The following MYO5B variants were observed in gnomAD, a reference collection of about 807,000 sequenced individuals.
MYO5B encodes unconventional myosin-Vb.
MYO5B carries 143 observed loss-of-function variants against 229.3 expected under a neutral mutation model. The observed-to-expected ratio is 0.62, with a 90% CI of 0.54 to 0.72. MYO5B has a LOEUF of 0.72. Among genes scored for constraint, MYO5B ranks in the 30% least tolerant of loss-of-function variants. MYO5B has a pLI of 0.00. For synonymous variants in MYO5B, 918 were observed against 885.2 expected (o/e 1.04, Z -0.66); for missense variants, 2,321 against 2,331.0 (o/e 1.00, Z 0.09).
At chr18:50,106,476 C>G (rs16951538) in intron 1 of MYO5B, among the ~76,000 whole-genome samples, 36,092 of 152,146 alleles carry the variant, frequency 0.24, 5,226 homozygotes, top group African/African-American at 0.41. Flanking sequence ...TTTCTGCCTA[C>G]TAAGTTTAAT....
intron 39 of MYO5B, among the ~76,000 whole-genome samples, chr18:49,831,741 A>G (rs768398482): frequency 2.6e-5 from 4 of 152,228 alleles, no homozygotes; most frequent in Non-Finnish European, 4.4e-5. Context: ...ATGACCCAGT[A>G]ATTCTGCCTC....
rs192466112 is a variant in MYO5B, at chr18:50,099,810, G to T, written c.28-44432C>A. On this transcript the variant is annotated intron_variant, in intron 1 of 39. Transcript: ENST00000285039. ...TCCCCCTGTAAAGCCAACTGGCTTC[G>T]TTGATGCCAATGGGCACCTGACATT... 2.0e-5 allele frequency among the ~76,000 whole-genome samples: 3 copies of T among 152,294 alleles called. No homozygotes were observed. The East Asian group carries it at 5.8e-4, about 29-fold the overall frequency.
chr18:49,880,964 A>G (rs2024579565), intron 22 of MYO5B, among the ~76,000 whole-genome samples: 1 of 152,220 alleles, frequency 6.6e-6, no homozygotes, highest in South Asian at 2.1e-4. Context: ...CAGAGAATGC[A>G]GCTGTGCAAG....
intron 1 of MYO5B, among the ~76,000 whole-genome samples, chr18:50,168,597 G>A (rs1013253035): frequency 1.5e-5 from 2 of 130,024 alleles, no homozygotes; most frequent in African/African-American, 2.9e-5. Flanking sequence ...AGACAGAGGG[G>A]AGGGTCTCCA....
chr18:50,064,400 T>C (rs1005315281), intron 1 of MYO5B: 1 of 152,268 alleles, frequency 6.6e-6, no homozygotes, highest in African/African-American at 2.4e-5. Context: ...AAAGGATATG[T>C]CCAGATCCAA....
At chr18:50,028,811 A>AGGT (rs2026359016) in intron 4 of MYO5B, among the ~76,000 whole-genome samples, 1 of 152,224 alleles carries the variant, frequency 6.6e-6, no homozygotes, top group African/African-American at 2.4e-5. Context: ...GTGCTTCTCC[A>AGGT]AGTAAAATAG....
chr18:50,076,688 C>T (rs79978187), intron 1 of MYO5B, among the ~76,000 whole-genome samples: 1,964 of 152,204 alleles, frequency 0.013, 35 homozygotes, highest in African/African-American at 0.045. Context: ...CACGAGCAGG[C>T]GTGACTTCCA....
At chr18:50,119,717 C>G (rs1004134797) in intron 1 of MYO5B, among the ~76,000 whole-genome samples, 1 of 152,110 alleles carries the variant, frequency 6.6e-6, no homozygotes, top group Non-Finnish European at 1.5e-5. Flanking sequence ...TAAATCAGCC[C>G]GAGTTGTTCA....
At chr18:49,980,024 G>T (rs574329754) in intron 9 of MYO5B, among the ~76,000 whole-genome samples, 2 of 152,294 alleles carry the variant, frequency 1.3e-5, no homozygotes, top group African/African-American at 4.8e-5. Context: ...CTTGGCAAGG[G>T]TTGCCACCTG....
intron 14 of MYO5B, among the ~76,000 whole-genome samples, chr18:49,952,867 T>C (rs2025444391): frequency 6.6e-6 from 1 of 151,832 alleles, no homozygotes; most frequent in Non-Finnish European, 1.5e-5. Flanking sequence ...TAAATAATCT[T>C]ACATCTGCAG....
chr18:49,878,131 G>A (rs568454666), intron 24 of MYO5B, among the ~76,000 whole-genome samples: 2 of 151,992 alleles, frequency 1.3e-5, no homozygotes, highest in East Asian at 1.9e-4. Context: ...CAATTTCTCC[G>A]AGAAGTCCTG....
At chr18:50,153,628 T>G (rs988790665) in intron 1 of MYO5B, among the ~76,000 whole-genome samples, 1 of 152,164 alleles carries the variant, frequency 6.6e-6, no homozygotes, top group South Asian at 2.1e-4. Context: ...TTTTGTATTT[T>G]TAGTAGAGAC....
chr18:50,172,191 G>C (rs1331235301), intron 1 of MYO5B, among the ~76,000 whole-genome samples: 1 of 151,356 alleles, frequency 6.6e-6, no homozygotes, highest in Non-Finnish European at 1.5e-5. Flanking sequence ...TGAAGGGGAA[G>C]GATCACTTGA....
chr18:50,018,189 A>G (rs1175013079), intron 4 of MYO5B, among the ~76,000 whole-genome samples: 3 of 152,110 alleles, frequency 2.0e-5, no homozygotes, highest in Non-Finnish European at 4.4e-5. Context: ...GCTTCAAGCA[A>G]TCTCCTGCTA....
rs141004722 is a variant in MYO5B at position 50,015,623 on chromosome 18, A to C, written c.456-14212T>G. 8.5e-3 allele frequency among the ~76,000 whole-genome samples: 1,291 copies of C among 152,314 alleles called. 18 individuals carry two copies. Among genetic ancestry groups the C allele is most frequent in the African/African-American group, 0.029 (1,195 of 41,552 alleles). On this transcript the variant is annotated intron_variant, in intron 4 of 39. Coordinates refer to ENST00000285039, the MANE Select transcript of MYO5B (RefSeq NM_001080467.3). ...TTCTGTTGGCGCAGCAGGTGTGCCC[A>C]GGGCAAGGGAAGCTGGCTTCCTGGT...
Position 49,868,105 on chromosome 18 carries a change from T to C in MYO5B, c.3604-3725A>G, listed in dbSNP as rs113111613. Among the ~76,000 whole-genome samples, 911 of 131,508 alleles carry C rather than the reference T, an allele frequency of 6.9e-3. 10 individuals carry two copies. Among genetic ancestry groups the C allele is most frequent in the African/African-American group, 0.024 (847 of 35,820 alleles). The allele number at this position is 131,508 out of a possible 152,430, so 86.3% of individuals were successfully genotyped here. Reference sequence around the variant, plus strand: ...TATAGTGAGAAAAAAAGCAGAAAAATTATATATATAACAACTATATAAATA... The same window carrying C: ...TATAGTGAGAAAAAAAGCAGAAAAACTATATATATAACAACTATATAAATA... On this transcript the variant is annotated intron_variant, in intron 27 of 39. Coordinates refer to ENST00000285039, the MANE Select transcript of MYO5B (RefSeq NM_001080467.3).
At chr18:49,934,875 G>A (rs1488371699) in intron 16 of MYO5B, among the ~76,000 whole-genome samples, 1 of 152,186 alleles carries the variant, frequency 6.6e-6, no homozygotes, top group African/African-American at 2.4e-5. Flanking sequence ...CAGTCTGAGA[G>A]TCAAAATTGT....
intron 1 of MYO5B, among the ~76,000 whole-genome samples, chr18:50,078,030 C>G (rs1225427905): frequency 6.6e-6 from 1 of 152,220 alleles, no homozygotes; most frequent in Non-Finnish European, 1.5e-5. Flanking sequence ...GTTGAGGAAT[C>G]AAGATGACAA....
chr18:49,827,463 T>G (rs533150301), intron 39 of MYO5B, among the ~76,000 whole-genome samples: 1 of 152,280 alleles, frequency 6.6e-6, no homozygotes, highest in South Asian at 2.1e-4. Context: ...ACTGGAAAAT[T>G]TAAAGGCACA....
Sources: allele counts gnomAD v4.1 joint callset (sites outside exome capture counted in the v4.1 genomes callset), GRCh38; gene constraint gnomAD v4.1.1; transcripts MANE v1.5; gene names NCBI Gene and HGNC (gene_info 2026-07-23, HGNC 2026-07-21).